The following FRMPD4 variants were observed in gnomAD, a reference collection of about 807,000 sequenced individuals.
The protein encoded by FRMPD4 is FERM and PDZ domain-containing protein 4.
Under a neutral mutation model 94.1 loss-of-function variants are expected in FRMPD4, and 22 were observed. The observed-to-expected ratio is 0.23, with a 90% CI of 0.17 to 0.33. The LOEUF (loss-of-function observed/expected upper bound fraction) is 0.33, where lower values mean the gene tolerates loss of function less well. Ranked by LOEUF, FRMPD4 falls within the 10% of genes least tolerant of loss-of-function variation. FRMPD4 has a pLI of 1.00. For synonymous variants in FRMPD4, 631 were observed against 548.6 expected (o/e 1.15, Z -2.10); for missense variants, 1,111 against 1,339.9 (o/e 0.83, Z 2.67).
chrX:11,995,476 G>A (rs992136851), intron 3 of FRMPD4, among the ~76,000 whole-genome samples: 1 of 111,182 alleles, frequency 9.0e-6, no homozygotes, highest in Non-Finnish European at 1.9e-5. Flanking sequence ...CCAGTAAGCT[G>A]TAAATAGAGT....
intron 2 of FRMPD4, among the ~76,000 whole-genome samples, chrX:11,868,176 C>G: frequency 8.9e-6 from 1 of 112,255 alleles, no homozygotes; most frequent in Non-Finnish European, 1.9e-5. Flanking sequence ...AATGACTCAG[C>G]ACTTCTCCTG....
intron 1 of FRMPD4, among the ~76,000 whole-genome samples, chrX:12,293,781 G>T (rs1354216805): frequency 1.8e-5 from 2 of 112,362 alleles, no homozygotes; most frequent in African/African-American, 6.5e-5. Context: ...AAAACACGGG[G>T]ATTGTTTTAC....
chrX:12,276,248 G>T (rs762952728), intron 1 of FRMPD4, among the ~76,000 whole-genome samples: 2 of 112,319 alleles, frequency 1.8e-5, no homozygotes, highest in East Asian at 2.8e-4. Flanking sequence ...ATTTTGAAGA[G>T]ATTTATTCTG....
rs778683741 is a variant in FRMPD4, at chrX:12,416,253, G to GTGAT, written c.42-82423_42-82420dup. On this transcript the variant is annotated intron_variant, in intron 1 of 16. Transcript: ENST00000675598. ...TTCTTTCTTTTTTTGGATATAAATA[G>GTGAT]TGATTGAGCAAGGACCACAAAGCAG... 4.7e-4 allele frequency among the ~76,000 whole-genome samples: 51 copies of GTGAT among 108,000 alleles called. 2 individuals are homozygous for GTGAT. Among genetic ancestry groups the GTGAT allele is most frequent in the Middle Eastern group, 9.7e-3 (2 of 206 alleles). 93.8% of individuals were successfully genotyped at this position (108,000 alleles called of 115,157 possible). A position where few individuals can be genotyped will look rare whatever the true frequency, so the allele number is the denominator to read the frequency against.
intron 3 of FRMPD4, among the ~76,000 whole-genome samples, chrX:11,995,870 T>C (rs193227499): frequency 1.8e-5 from 2 of 112,241 alleles, no homozygotes; most frequent in African/African-American, 3.2e-5. Flanking sequence ...ACATTTGAAA[T>C]AGCATAAGAG....
intron 1 of FRMPD4, among the ~76,000 whole-genome samples, chrX:11,833,316 G>T (rs7064070): frequency 1.7e-4 from 19 of 111,702 alleles, no homozygotes; most frequent in African/African-American, 5.2e-4. Flanking sequence ...CTGTGTGCAG[G>T]TTTTGTGTGG....
At chrX:12,102,647 C>T (rs1488925198) in intron 3 of FRMPD4, among the ~76,000 whole-genome samples, 1 of 111,146 alleles carries the variant, frequency 9.0e-6, no homozygotes, top group Admixed American at 9.6e-5. Context: ...TAGGAAATAC[C>T]ATTTGCACAT....
Position 12,621,978 on chromosome X carries a change from GAAAGAAAGAA to G in FRMPD4, c.422+7099_422+7108del, listed in dbSNP as rs1260320474. On this transcript the variant is annotated intron_variant, in intron 4 of 16. Transcript: ENST00000675598. ...AGAGAAAGAAAGAAAGAGAAAGAAAGAAAGAAAGAAAGAAAGAAAGAAAGAAAGAAAGAAA... is the reference window on the plus strand; with the variant it reads ...AGAGAAAGAAAGAAAGAGAAAGAAAGAGAAAGAAAGAAAGAAAGAAAGAAA... 1.8e-3 allele frequency among the ~76,000 whole-genome samples: 50 copies of G among 27,962 alleles called. 2 individuals are homozygous for G. The highest frequency in any genetic ancestry group is 9.0e-3 in the African/African-American group (47 of 5,202). 24.3% of individuals were successfully genotyped at this position (27,962 alleles called of 115,157 possible). A position where few individuals can be genotyped will look rare whatever the true frequency, so the allele number is the denominator to read the frequency against.
chrX:12,233,504 C>T (rs901421864), intron 1 of FRMPD4, among the ~76,000 whole-genome samples: 2 of 111,486 alleles, frequency 1.8e-5, no homozygotes, highest in African/African-American at 6.5e-5. Context: ...TTTTTATAAC[C>T]TTAGCCTGAA....
intron 3 of FRMPD4, among the ~76,000 whole-genome samples, chrX:12,611,350 C>G (rs2059181364): frequency 8.9e-6 from 1 of 112,194 alleles, no homozygotes; most frequent in Non-Finnish European, 1.9e-5. Context: ...AGCACAGACT[C>G]TGGCATCAGA....
At chrX:12,033,318 G>A (rs1302824624) in intron 3 of FRMPD4, among the ~76,000 whole-genome samples, 2 of 111,723 alleles carry the variant, frequency 1.8e-5, no homozygotes, top group East Asian at 5.6e-4. Context: ...AAGTCCCTCC[G>A]AGGCCAAAGA....
chrX:12,261,947 TA>T, intron 1 of FRMPD4, among the ~76,000 whole-genome samples: 1 of 112,570 alleles, frequency 8.9e-6, no homozygotes, highest in South Asian at 3.7e-4. Flanking sequence ...TTTTTAAATC[TA>T]GTTTACTTAA....
chrX:12,535,343 C>T (rs1007371260), intron 2 of FRMPD4, among the ~76,000 whole-genome samples: 3 of 111,606 alleles, frequency 2.7e-5, no homozygotes, highest in Admixed American at 1.9e-4. Context: ...TGAAAATGGA[C>T]TAATATAGGG....
intron 1 of FRMPD4, among the ~76,000 whole-genome samples, chrX:12,389,106 G>A (rs770841644): frequency 1.8e-5 from 2 of 108,941 alleles, no homozygotes; most frequent in East Asian, 2.9e-4. Flanking sequence ...CAGACACGAG[G>A]AATAAGTTAT....
intron 2 of FRMPD4, among the ~76,000 whole-genome samples, chrX:12,545,852 A>T (rs1215247879): frequency 8.9e-6 from 1 of 112,977 alleles, no homozygotes; most frequent in Non-Finnish European, 1.9e-5. Context: ...GGCTTAAGGG[A>T]AATTTGGAAA....
intron 3 of FRMPD4, among the ~76,000 whole-genome samples, chrX:12,083,133 C>T (rs1466395775): frequency 8.9e-6 from 1 of 112,681 alleles, no homozygotes; most frequent in African/African-American, 3.2e-5. Context: ...TTCATGGCAT[C>T]CCCTCCCATC....
Position 12,138,830 on chromosome X carries a change from C to T in FRMPD4, c.-142C>T. The T allele has an allele frequency of 2.2e-6, 1 of 445,900 alleles. No individual in the cohort carries two copies. Among genetic ancestry groups the T allele is most frequent in the Non-Finnish European group, 3.5e-6 (1 of 282,044 alleles). The allele number at this position is 445,900 out of a possible 1,213,427, so 36.7% of individuals were successfully genotyped here. ...CGCCGCCTCCAGGTGCAGGTTCTCTCCGGCCGCCGCCGCCACCCGCTGTCG... is the reference window on the plus strand; with the variant it reads ...CGCCGCCTCCAGGTGCAGGTTCTCTTCGGCCGCCGCCGCCACCCGCTGTCG... On this transcript the variant is annotated 5_prime_UTR_variant, in exon 1 of 17. Transcript: ENST00000675598.
At chrX:12,579,786 T>C (rs1170298240) in intron 2 of FRMPD4, among the ~76,000 whole-genome samples, 1 of 111,775 alleles carries the variant, frequency 8.9e-6, no homozygotes, top group East Asian at 2.8e-4. Flanking sequence ...TCCAAAGGTA[T>C]TGACAATAAA....
At chrX:12,333,159 TC>T (rs2055458891) in intron 1 of FRMPD4, among the ~76,000 whole-genome samples, 1 of 112,166 alleles carries the variant, frequency 8.9e-6, no homozygotes, top group Non-Finnish European at 1.9e-5. Context: ...AGTCTATGAA[TC>T]ATAGAATAAG....
Sources: allele counts gnomAD v4.1 joint callset (sites outside exome capture counted in the v4.1 genomes callset), GRCh38; gene constraint gnomAD v4.1.1; transcripts MANE v1.5; gene names NCBI Gene and HGNC (gene_info 2026-07-23, HGNC 2026-07-21).